Variants in PTCHD4 observed in about 807,000 individuals in gnomAD.
The protein encoded by PTCHD4 is patched domain containing 4.
PTCHD4 carries 33 observed loss-of-function variants against 58.1 expected under a neutral mutation model. That is an observed-to-expected ratio of 0.57 (90% CI 0.43 to 0.76). PTCHD4 has a LOEUF of 0.76. Ranked by LOEUF, PTCHD4 falls within the 30% of genes least tolerant of loss-of-function variation. The pLI, the probability that PTCHD4 is intolerant of heterozygous loss-of-function variation, is 0.00. For missense variants in PTCHD4, 1,058 were observed against 1,027.1 expected (o/e 1.03, Z -0.41); for synonymous variants, 478 against 409.6 (o/e 1.17, Z -2.02).
At chr6:48,080,903 C>A (rs1270267480) in intron 1 of PTCHD4, among the ~76,000 whole-genome samples, 2 of 152,146 alleles carry the variant, frequency 1.3e-5, no homozygotes, top group African/African-American at 4.8e-5. Context: ...TGGGGCTTAC[C>A]TTTCTTGTTT....
At chr6:47,892,913 C>G (rs906017435) in intron 4 of PTCHD4, among the ~76,000 whole-genome samples, 3 of 152,190 alleles carry the variant, frequency 2.0e-5, no homozygotes, top group Admixed American at 2.0e-4. Context: ...CCCAAAAGTT[C>G]AGGAATGGGA....
intron 3 of PTCHD4, among the ~76,000 whole-genome samples, chr6:48,065,022 G>T (rs567718942): frequency 1.8e-3 from 278 of 152,154 alleles, no homozygotes; most frequent in African/African-American, 6.6e-3. Flanking sequence ...TCCATGGAAG[G>T]CACCTTTCTG....
At chr6:48,037,819 G>A (rs1763694082) in intron 3 of PTCHD4, among the ~76,000 whole-genome samples, 2 of 151,574 alleles carry the variant, frequency 1.3e-5, no homozygotes, top group South Asian at 4.2e-4. Flanking sequence ...AATAAAAAGA[G>A]TAAGATGATT....
chr6:48,099,655 T>G (rs2113910891), intron 1 of PTCHD4, among the ~76,000 whole-genome samples: 1 of 152,328 alleles, frequency 6.6e-6, no homozygotes, highest in South Asian at 2.1e-4. Flanking sequence ...AATTACGATA[T>G]GAGGTTTAGA....
At chr6:47,964,577 CTTTTA>C (rs1217103538) in intron 4 of PTCHD4, among the ~76,000 whole-genome samples, 1 of 152,092 alleles carries the variant, frequency 6.6e-6, no homozygotes, top group East Asian at 1.9e-4. Context: ...ACTTGGAAGA[CTTTTA>C]TTTTATTTTT....
Position 47,875,416 on chromosome 6 carries a change from G to T in PTCHD4, c.*2887C>A, listed in dbSNP as rs1449417712. On this transcript the variant is annotated 3_prime_UTR_variant, in exon 5 of 5. Coordinates refer to ENST00000339488, the MANE Select transcript of PTCHD4 (RefSeq NM_001384253.1). Reference sequence around the variant, plus strand: ...CTTGGAAACATCTGTTTCACAGTGAGGTTGGGAGGTCAGACGATGCTCTGT... The same window carrying T: ...CTTGGAAACATCTGTTTCACAGTGATGTTGGGAGGTCAGACGATGCTCTGT... Among the ~76,000 whole-genome samples the T allele has an allele frequency of 6.6e-6, 1 of 151,806 alleles. No homozygotes were observed. The highest frequency in any genetic ancestry group is 2.4e-5 in the African/African-American group (1 of 41,366).
intron 1 of PTCHD4, among the ~76,000 whole-genome samples, chr6:48,098,678 G>A (rs1446556440): frequency 6.6e-6 from 1 of 152,090 alleles, no homozygotes; most frequent in Non-Finnish European, 1.5e-5. Context: ...TTCTTGCCAT[G>A]ATTATGCTTA....
intron 3 of PTCHD4, among the ~76,000 whole-genome samples, chr6:48,040,557 A>G (rs965646505): frequency 6.6e-6 from 1 of 152,114 alleles, no homozygotes; most frequent in African/African-American, 2.4e-5. Context: ...GAAGGCCAAA[A>G]GGGTGGTTCT....
chr6:47,915,463 A>C (rs1024575144), intron 4 of PTCHD4, among the ~76,000 whole-genome samples: 1 of 152,102 alleles, frequency 6.6e-6, no homozygotes, highest in Non-Finnish European at 1.5e-5. Context: ...TGAAAGTCCT[A>C]AGCATCTTTC....
At chr6:48,049,473 T>A (rs974424968) in intron 3 of PTCHD4, among the ~76,000 whole-genome samples, 2 of 151,984 alleles carry the variant, frequency 1.3e-5, no homozygotes, top group Admixed American at 1.3e-4. Flanking sequence ...TTAATGAGGA[T>A]AAAAATGTTG....
chr6:48,014,876 C>A (rs551016681), intron 3 of PTCHD4, among the ~76,000 whole-genome samples: 4 of 152,190 alleles, frequency 2.6e-5, no homozygotes, highest in Non-Finnish European at 5.9e-5. Flanking sequence ...CAAGTCCAGT[C>A]CTTTCTAGAG....
intron 4 of PTCHD4, among the ~76,000 whole-genome samples, chr6:47,974,022 T>C (rs2113994244): frequency 6.6e-6 from 1 of 152,038 alleles, no homozygotes; most frequent in Non-Finnish European, 1.5e-5. Context: ...TTTGAAAGAG[T>C]AGGTGACGAC....
Position 47,879,156 on chromosome 6 carries a change from A to G in PTCHD4, c.1679T>C (p.Val560Ala). Reference protein sequence around the residue: ...QYYQFLKVSNVSANNKSDFIS... With the variant: ...QYYQFLKVSNASANNKSDFIS... ...GAAGTCACTTTTGTTATTGGCACTG[A>G]CGTTGCTGACTTTCAGGAACTGGTA... Residue 560 changes from valine (V) to alanine (A), a missense_variant, in exon 5 of 5, where the codon GTC becomes GCC. Val to Ala is a moderately conservative substitution (Grantham distance 64). Transcript: ENST00000339488. 1 of 1,611,982 alleles carries G rather than the reference A, an allele frequency of 6.2e-7. No individual in the cohort carries two copies. Among genetic ancestry groups the G allele is most frequent in the South Asian group, 1.1e-5 (1 of 91,056 alleles).
intron 4 of PTCHD4, among the ~76,000 whole-genome samples, chr6:48,002,312 A>G (rs1768760221): frequency 6.6e-6 from 1 of 151,986 alleles, no homozygotes; most frequent in Admixed American, 6.6e-5. Context: ...AGACGCACAC[A>G]TGTTTATTGT....
intron 4 of PTCHD4, among the ~76,000 whole-genome samples, chr6:47,926,501 G>A (rs1043132411): frequency 3.9e-5 from 6 of 152,170 alleles, no homozygotes; most frequent in African/African-American, 1.4e-4. Flanking sequence ...CTGGGATTGT[G>A]TTAGAAATGC....
chr6:47,891,755 G>C (rs533954590), intron 4 of PTCHD4, among the ~76,000 whole-genome samples: 1 of 152,044 alleles, frequency 6.6e-6, no homozygotes, highest in South Asian at 2.1e-4. Context: ...CCCCGATGGC[G>C]TGGGTTTTTC....
intron 3 of PTCHD4, among the ~76,000 whole-genome samples, chr6:48,052,851 CT>C (rs1392300891): frequency 2.6e-5 from 4 of 151,888 alleles, no homozygotes; most frequent in African/African-American, 9.7e-5. Context: ...ATCCTTTCAC[CT>C]TATGTATCAA....
At chr6:48,062,096 T>A (rs1764649400) in intron 3 of PTCHD4, among the ~76,000 whole-genome samples, 1 of 152,212 alleles carries the variant, frequency 6.6e-6, no homozygotes, top group South Asian at 2.1e-4. Flanking sequence ...GTGTAATCGC[T>A]AGTGGGTTAA....
At chr6:48,106,898 A>G (rs910276682) in intron 1 of PTCHD4, among the ~76,000 whole-genome samples, 4 of 151,716 alleles carry the variant, frequency 2.6e-5, no homozygotes, top group African/African-American at 9.7e-5. Flanking sequence ...TACAAGGGGC[A>G]TGAAGGACCT....
Sources: allele counts gnomAD v4.1 joint callset (sites outside exome capture counted in the v4.1 genomes callset), GRCh38; gene constraint gnomAD v4.1.1; transcripts MANE v1.5; gene names NCBI Gene and HGNC (gene_info 2026-07-23, HGNC 2026-07-21).